Variants in MACC1 observed in about 807,000 individuals in gnomAD.
The protein encoded by MACC1 is metastasis-associated in colon cancer protein 1.
MACC1 carries 79 observed loss-of-function variants against 70.7 expected under a neutral mutation model. The observed-to-expected ratio is 1.12, with a 90% confidence interval of 0.93 to 1.35. The LOEUF is 1.35. MACC1 is among the 40% of genes most tolerant of loss of function. MACC1 has a pLI of 0.00. For synonymous variants in MACC1, 361 were observed against 347.2 expected (o/e 1.04, Z -0.44); for missense variants, 1,106 against 978.1 (o/e 1.13, Z -1.74).
rs896945020 is a variant in MACC1, at chr7:20,217,335, C to T, written c.-254G>A. ...TGAGCCCAAGCTTCTTCAGTTCAGA[C>T]ACATGGTTTTAGTGAATAGAAGTCA... is the stretch of plus-strand genomic sequence containing the variant. On this transcript the variant is annotated 5_prime_UTR_variant, in exon 1 of 7. Coordinates refer to ENST00000400331, the MANE Select transcript of MACC1 (RefSeq NM_182762.4). 1.3e-4 allele frequency: 20 copies of T among 152,236 alleles called. No homozygotes were observed. Among genetic ancestry groups the T allele is most frequent in the African/African-American group, 3.9e-4 (16 of 41,456 alleles). The allele number at this position is 152,236 out of a possible 1,614,324, so 9.4% of individuals were successfully genotyped here.
At chr7:20,178,179 C>G (rs1333238074) in intron 1 of MACC1, among the ~76,000 whole-genome samples, 1 of 151,880 alleles carries the variant, frequency 6.6e-6, no homozygotes, top group Non-Finnish European at 1.5e-5. Flanking sequence ...TACTAATACT[C>G]TAAAACAAAA....
chr7:20,169,980 G>C (rs1182931475), intron 2 of MACC1, among the ~76,000 whole-genome samples: 1 of 152,120 alleles, frequency 6.6e-6, no homozygotes, highest in Non-Finnish European at 1.5e-5. Flanking sequence ...CAGATGTCTT[G>C]AGACTCCAAT....
chr7:20,195,821 C>T (rs932112967), intron 1 of MACC1, among the ~76,000 whole-genome samples: 2 of 152,184 alleles, frequency 1.3e-5, no homozygotes, highest in Non-Finnish European at 2.9e-5. Context: ...AAACTTGTTG[C>T]AGCTAGAACA....
At position 20,134,772 on chromosome 7, in the gene MACC1, T is replaced by C. The variant is rs561727278; in HGVS notation, c.*6174A>G. On this transcript the variant is annotated 3_prime_UTR_variant, in exon 7 of 7. Coordinates refer to ENST00000400331, the MANE Select transcript of MACC1 (RefSeq NM_182762.4). ...AGGGACATTTAAAATCTACTTCCAG[T>C]CACAAAAGGGCAGAGTCTTGATATC... 1 of 152,286 alleles carries C rather than the reference T, an allele frequency of 6.6e-6. No homozygotes were observed. The highest frequency in any genetic ancestry group is 2.4e-5 in the African/African-American group (1 of 41,542). The allele number at this position is 152,286 out of a possible 1,614,324, so 9.4% of individuals were successfully genotyped here.
chr7:20,143,303 G>C (rs1331454190), intron 6 of MACC1, among the ~76,000 whole-genome samples: 1 of 152,204 alleles, frequency 6.6e-6, no homozygotes, highest in Non-Finnish European at 1.5e-5. Flanking sequence ...ATTCAGGAAA[G>C]GTCCGACGAC....
chr7:20,211,462 C>A (rs562512120), intron 1 of MACC1, among the ~76,000 whole-genome samples: 1 of 152,052 alleles, frequency 6.6e-6, no homozygotes. Flanking sequence ...CAATCTCTAA[C>A]GCCATAGGTT....
At position 20,178,078 on chromosome 7, in the gene MACC1, C is replaced by G. The variant is rs12670727; in HGVS notation, c.-217-7300G>C. Among the ~76,000 whole-genome samples, 1,136 of 152,090 alleles carry G rather than the reference C, an allele frequency of 7.5e-3. 29 individuals carry two copies. Among genetic ancestry groups the G allele is most frequent in the East Asian group, 0.039 (203 of 5,192 alleles). On this transcript the variant is annotated intron_variant, in intron 1 of 6. Transcript: ENST00000400331. ...TTGTTCCCAATTCCAGGTTTTTAAA[C>G]TCTACACATTTTGTAGTAAGTTTTA...
At chr7:20,204,070 G>A (rs1782872276) in intron 1 of MACC1, among the ~76,000 whole-genome samples, 1 of 152,066 alleles carries the variant, frequency 6.6e-6, no homozygotes, top group Admixed American at 6.5e-5. Flanking sequence ...ATTGCTTTAG[G>A]TTCCTCCTTA....
chr7:20,200,881 G>A (rs1333294868), intron 1 of MACC1, among the ~76,000 whole-genome samples: 1 of 152,162 alleles, frequency 6.6e-6, no homozygotes, highest in Non-Finnish European at 1.5e-5. Context: ...AAGTGTCCAT[G>A]CCATACTCAC....
At chr7:20,212,839 G>A (rs549147842) in intron 1 of MACC1, among the ~76,000 whole-genome samples, 36 of 152,110 alleles carry the variant, frequency 2.4e-4, no homozygotes, top group Admixed American at 1.3e-3. Flanking sequence ...ATGGCAGCCC[G>A]CTCCTCCCTC....
At chr7:20,184,359 C>A (rs554430851) in intron 1 of MACC1, among the ~76,000 whole-genome samples, 104 of 152,322 alleles carry the variant, frequency 6.8e-4, no homozygotes, top group African/African-American at 2.4e-3. Context: ...TTGTGCCCAA[C>A]AAAGAATACA....
intron 2 of MACC1, among the ~76,000 whole-genome samples, chr7:20,164,675 A>G (rs1782187334): frequency 6.6e-6 from 1 of 152,202 alleles, no homozygotes; most frequent in Non-Finnish European, 1.5e-5. Flanking sequence ...CAGACCTTCC[A>G]AATGCTGTGG....
rs1447199212 is a variant in MACC1, at chr7:20,177,771, G to A, written c.-217-6993C>T. 2.0e-5 allele frequency among the ~76,000 whole-genome samples: 3 copies of A among 150,032 alleles called. No homozygotes were observed. In the East Asian group the frequency reaches 5.9e-4, roughly 29 times the overall value. ...TAAAATAATAATGCATCTTACAGGG[G>A]AAGTCATAAATCCAATGAAATAAAG... On this transcript the variant is annotated intron_variant, in intron 1 of 6. Coordinates refer to ENST00000400331, the MANE Select transcript of MACC1 (RefSeq NM_182762.4).
intron 3 of MACC1, among the ~76,000 whole-genome samples, chr7:20,163,049 A>G (rs1306262875): frequency 6.6e-6 from 1 of 152,182 alleles, no homozygotes; most frequent in Non-Finnish European, 1.5e-5. Flanking sequence ...GGATTCCAAA[A>G]TATATCAAAG....
intron 1 of MACC1, among the ~76,000 whole-genome samples, chr7:20,174,574 TAAAGA>T: frequency 6.6e-6 from 1 of 152,232 alleles, no homozygotes; most frequent in African/African-American, 2.4e-5. Context: ...AGTTTTTTAA[TAAAGA>T]AAAGTACGAG....
intron 1 of MACC1, among the ~76,000 whole-genome samples, chr7:20,210,206 C>T (rs539843032): frequency 6.6e-6 from 1 of 152,166 alleles, no homozygotes; most frequent in African/African-American, 2.4e-5. Context: ...CTTTTGAAAT[C>T]AGCAAAAAAC....
intron 1 of MACC1, among the ~76,000 whole-genome samples, chr7:20,180,263 T>A (rs1382368488): frequency 6.6e-6 from 1 of 150,414 alleles, no homozygotes; most frequent in African/African-American, 2.4e-5. Flanking sequence ...GCCAACACGG[T>A]AAAACCCCGT....
At chr7:20,146,728 T>C (rs1781897348) in intron 6 of MACC1, among the ~76,000 whole-genome samples, 1 of 152,244 alleles carries the variant, frequency 6.6e-6, no homozygotes, top group African/African-American at 2.4e-5. Context: ...ACTCTACACT[T>C]GTGTTTTGAA....
In MACC1 at chr7:20,169,290, G is replaced by A. The variant is rs565824502; in HGVS notation, c.-153+1424C>T. ...AAATCTTGTCCCTGGGATTGGACAA[G>A]TTTAATTATTGCAAGAGTAGTTGGA... On this transcript the variant is annotated intron_variant, in intron 2 of 6. Coordinates refer to ENST00000400331, the MANE Select transcript of MACC1 (RefSeq NM_182762.4). Among the ~76,000 whole-genome samples, 10 of 152,314 alleles carry A rather than the reference G, an allele frequency of 6.6e-5. No individual in the cohort carries two copies. The East Asian group carries it at 1.9e-3, about 29-fold the overall frequency.
Sources: allele counts gnomAD v4.1 joint callset (sites outside exome capture counted in the v4.1 genomes callset), GRCh38; gene constraint gnomAD v4.1.1; transcripts MANE v1.5; gene names NCBI Gene and HGNC (gene_info 2026-07-23, HGNC 2026-07-21).